Variants in CCSER1 observed in about 807,000 individuals in gnomAD.
The protein encoded by CCSER1 is serine-rich coiled-coil domain-containing protein 1.
Under a neutral mutation model 82.0 loss-of-function variants are expected in CCSER1, and 41 were observed. The ratio of observed to expected loss-of-function variants is 0.50; its 90% CI spans 0.39 to 0.65. The LOEUF (loss-of-function observed/expected upper bound fraction) is 0.65, where lower values mean the gene tolerates loss of function less well. CCSER1 is among the 30% of genes least tolerant of loss of function. The pLI, the probability that CCSER1 is intolerant of heterozygous loss-of-function variation, is 0.00. For synonymous variants in CCSER1, 414 were observed against 383.9 expected (o/e 1.08, Z -0.92); for missense variants, 1,119 against 1,064.2 (o/e 1.05, Z -0.72).
chr4:90,899,466 G>A (rs1367294976), intron 8 of CCSER1, among the ~76,000 whole-genome samples: 2 of 151,898 alleles, frequency 1.3e-5, no homozygotes, highest in African/African-American at 2.4e-5. Flanking sequence ...TGATTGCTCT[G>A]GCAAGGACTT....
chr4:90,846,296 G>A lies in CCSER1; in HGVS notation c.2094+30451G>A, dbSNP rs115755538. Among the ~76,000 whole-genome samples the A allele has an allele frequency of 8.7e-3, 1,326 of 152,310 alleles. 7 individuals carry two copies. Among genetic ancestry groups the A allele is most frequent in the Non-Finnish European group, 0.015 (987 of 68,018 alleles). On this transcript the variant is annotated intron_variant, in intron 8 of 10. Transcript: ENST00000509176. Reference sequence around the variant, plus strand: ...ATCTTAAAGAAAGAAATGCATTAATGTACAACCATGGAAGGTGTGATAAGT... The same window carrying A: ...ATCTTAAAGAAAGAAATGCATTAATATACAACCATGGAAGGTGTGATAAGT...
chr4:90,455,238 G>C (rs1272211865), intron 4 of CCSER1, among the ~76,000 whole-genome samples: 1 of 152,188 alleles, frequency 6.6e-6, no homozygotes, highest in Non-Finnish European at 1.5e-5. Context: ...CTTCATTTCT[G>C]AGGCCATGCT....
chr4:90,288,378 C>G (rs775330284), intron 1 of CCSER1, among the ~76,000 whole-genome samples: 3 of 151,962 alleles, frequency 2.0e-5, no homozygotes, highest in Admixed American at 6.6e-5. Context: ...ATCACCACCT[C>G]CATACTTGTC....
chr4:91,260,227 A>C (rs1453528501), intron 10 of CCSER1, among the ~76,000 whole-genome samples: 3 of 152,330 alleles, frequency 2.0e-5, no homozygotes, highest in Non-Finnish European at 1.5e-5. Context: ...AAGCAATAGA[A>C]AGCTGAGGAG....
In CCSER1 at chr4:90,883,868, GAGAA is replaced by G. The variant is rs578233632; in HGVS notation, c.2095-39493_2095-39490del. Among the ~76,000 whole-genome samples the G allele has an allele frequency of 8.0e-4, 122 of 152,252 alleles. 2 individuals are homozygous for G. In the South Asian group the frequency reaches 0.023, roughly 28 times the overall value. On this transcript the variant is annotated intron_variant, in intron 8 of 10. Coordinates refer to ENST00000509176, the MANE Select transcript of CCSER1 (RefSeq NM_001145065.2). ...CAAGGACCTTATAAGGACAATTGGA[GAGAA>G]AGAAAGAAGGAGAAAGGGAAATGCA...
chr4:91,276,115 G>A (rs955436532), intron 10 of CCSER1, among the ~76,000 whole-genome samples: 2 of 151,668 alleles, frequency 1.3e-5, no homozygotes, highest in African/African-American at 4.8e-5. Flanking sequence ...TCATTCTTTT[G>A]GTTCAGAATT....
Position 91,602,657 on chromosome 4 carries a change from C to T in CCSER1, c.*3600C>T, listed in dbSNP as rs1200434798. 6.6e-6 allele frequency among the ~76,000 whole-genome samples: 1 copy of T among 151,922 alleles called. No individual in the cohort carries two copies. Among genetic ancestry groups the T allele is most frequent in the Non-Finnish European group, 1.5e-5 (1 of 67,910 alleles). On this transcript the variant is annotated 3_prime_UTR_variant, in exon 11 of 11. Coordinates refer to ENST00000509176, the MANE Select transcript of CCSER1 (RefSeq NM_001145065.2). Reference sequence around the variant, plus strand: ...TTTTTCACTTTCAGAACTTAACATTCTAAACAGCTATAGAAGGAAGTGGTT... The same window carrying T: ...TTTTTCACTTTCAGAACTTAACATTTTAAACAGCTATAGAAGGAAGTGGTT...
At chr4:90,493,860 A>G (rs1768510904) in intron 5 of CCSER1, among the ~76,000 whole-genome samples, 1 of 152,214 alleles carries the variant, frequency 6.6e-6, no homozygotes, top group Non-Finnish European at 1.5e-5. Context: ...GCCTCAGCTA[A>G]TGAGCAAAAT....
At chr4:90,579,740 T>C (rs79869037) in intron 5 of CCSER1, among the ~76,000 whole-genome samples, 2,976 of 152,240 alleles carry the variant, frequency 0.02, 93 homozygotes, top group African/African-American at 0.068. Flanking sequence ...AACTCAGATA[T>C]TGAGGAATAG....
At chr4:90,181,196 A>AC (rs1733670780) in intron 1 of CCSER1, among the ~76,000 whole-genome samples, 1 of 152,088 alleles carries the variant, frequency 6.6e-6, no homozygotes, top group Non-Finnish European at 1.5e-5. Flanking sequence ...CTGTGCATGT[A>AC]CCCCCTGCAA....
At chr4:90,145,676 T>C (rs573626708) in intron 1 of CCSER1, among the ~76,000 whole-genome samples, 43 of 152,142 alleles carry the variant, frequency 2.8e-4, no homozygotes, top group South Asian at 4.1e-4. Context: ...ATTGTTGTTT[T>C]GACTGTATTA....
intron 7 of CCSER1, among the ~76,000 whole-genome samples, chr4:90,792,987 C>G (rs765591553): frequency 8.5e-5 from 13 of 152,136 alleles, no homozygotes; most frequent in Non-Finnish European, 2.9e-5. Flanking sequence ...GGGGTAATAA[C>G]TGGACTCTGG....
intron 10 of CCSER1, among the ~76,000 whole-genome samples, chr4:91,376,677 G>A (rs1483872864): frequency 1.3e-5 from 2 of 151,790 alleles, no homozygotes; most frequent in African/African-American, 2.4e-5. Context: ...CCATTAATGG[G>A]CAAACATAAA....
chr4:90,415,470 A>T (rs550054937), intron 4 of CCSER1, among the ~76,000 whole-genome samples: 1 of 152,334 alleles, frequency 6.6e-6, no homozygotes, highest in African/African-American at 2.4e-5. Flanking sequence ...ATTGTCAAGA[A>T]TTTTAGTCAG....
chr4:90,480,691 T>C (rs2153597823), intron 5 of CCSER1, among the ~76,000 whole-genome samples: 1 of 152,262 alleles, frequency 6.6e-6, no homozygotes, highest in South Asian at 2.1e-4. Context: ...TGGTTGCATA[T>C]GTGTGGGATT....
intron 10 of CCSER1, among the ~76,000 whole-genome samples, chr4:91,353,363 C>A (rs1748609750): frequency 6.6e-6 from 1 of 152,124 alleles, no homozygotes. Flanking sequence ...CAGAACAGGG[C>A]AGGGAGTTTC....
At chr4:90,560,738 AT>A (rs1778668688) in intron 5 of CCSER1, among the ~76,000 whole-genome samples, 2 of 152,138 alleles carry the variant, frequency 1.3e-5, no homozygotes, top group Admixed American at 6.6e-5. Flanking sequence ...AGCAACATTA[AT>A]AATAATATTC....
At chr4:91,119,842 G>A (rs1323878739) in intron 10 of CCSER1, among the ~76,000 whole-genome samples, 12 of 151,954 alleles carry the variant, frequency 7.9e-5, no homozygotes, top group Non-Finnish European at 1.6e-4. Flanking sequence ...TGTGTGTAAA[G>A]CATATTTTTT....
chr4:90,256,071 TTTC>T (rs1246746719), intron 1 of CCSER1, among the ~76,000 whole-genome samples: 2 of 152,154 alleles, frequency 1.3e-5, no homozygotes, highest in Non-Finnish European at 2.9e-5. Flanking sequence ...TGCCAAAATT[TTTC>T]TTCATCTTAT....
Sources: allele counts gnomAD v4.1 joint callset (sites outside exome capture counted in the v4.1 genomes callset), GRCh38; gene constraint gnomAD v4.1.1; transcripts MANE v1.5; gene names NCBI Gene and HGNC (gene_info 2026-07-23, HGNC 2026-07-21).